Variants in ASB3 observed in about 807,000 individuals in gnomAD.
The protein encoded by ASB3 is ankyrin repeat and SOCS box protein 3.
Under a neutral mutation model 54.5 loss-of-function variants are expected in ASB3, and 41 were observed. That is an observed-to-expected ratio of 0.75 (90% CI 0.59 to 0.98). ASB3 has a LOEUF of 0.98. Ranked by LOEUF, ASB3 falls within the 50% of genes least tolerant of loss-of-function variation. The pLI is 0.00. For synonymous variants in ASB3, 266 were observed against 221.2 expected (o/e 1.20, Z -1.80); for missense variants, 733 against 620.0 (o/e 1.18, Z -1.94).
chr2:53,728,635 G>C, intron 5 of ASB3, 77 bp downstream of exon 5: 1 of 1,369,364 alleles, frequency 7.3e-7, no homozygotes, highest in South Asian at 2.4e-5. Flanking sequence ...TTATATTTGA[G>C]ACAAGAATTA....
chr2:53,741,743 A>C (rs1026169398), intron 3 of ASB3, among the ~76,000 whole-genome samples: 1 of 152,212 alleles, frequency 6.6e-6, no homozygotes, highest in East Asian at 1.9e-4. Flanking sequence ...ATTGTAGCAC[A>C]ATATAGGCAT....
intron 1 of ASB3, chr2:53,767,666 T>C: frequency 3.5e-6 from 2 of 576,368 alleles, no homozygotes; most frequent in East Asian, 3.0e-5. Flanking sequence ...ACACCGAAGG[T>C]CAATGCCTCT....
intron 3 of ASB3, among the ~76,000 whole-genome samples, chr2:53,731,950 G>T (rs890475082): frequency 1.5e-4 from 22 of 151,616 alleles, no homozygotes; most frequent in African/African-American, 4.1e-4. Context: ...ATCACACTTG[G>T]CCCCCACAAC....
In ASB3 at chr2:53,714,577, A is replaced by C; in HGVS notation, c.787T>G (p.Leu263Val). ...TTAGTAAGTGGTATTAACAAGTCCAAGATTCTATAAATACACAAATTCAGG... is the reference window on the plus strand; with the variant it reads ...TTAGTAAGTGGTATTAACAAGTCCACGATTCTATAAATACACAAATTCAGG... ...AAAQMGHTKILDLLIPLTNRA... is the reference protein window; with the variant it reads ...AAAQMGHTKIVDLLIPLTNRA... The change falls in exon 7 of 10, where the codon TTG becomes GTG. Residue 263 changes from leucine to valine, a missense_variant. Leu to Val is a conservative substitution (Grantham distance 32). Transcript: ENST00000263634. The C allele has an allele frequency of 3.1e-6, 5 of 1,613,742 alleles. No individual in the cohort carries two copies. Among genetic ancestry groups the C allele is most frequent in the Non-Finnish European group, 4.2e-6 (5 of 1,179,872 alleles).
intron 1 of ASB3, among the ~76,000 whole-genome samples, chr2:53,785,900 A>C (rs1244561403): frequency 2.6e-5 from 4 of 152,236 alleles, no homozygotes; most frequent in Non-Finnish European, 4.4e-5. Context: ...CATTAATAAG[A>C]AGTGCTGAAT....
At chr2:53,735,020 A>G (rs1671541928) in intron 3 of ASB3, among the ~76,000 whole-genome samples, 1 of 150,882 alleles carries the variant, frequency 6.6e-6, no homozygotes. Flanking sequence ...CCCAGGTTGA[A>G]GCGAATCTCC....
rs1442486309 is a variant in ASB3, at chr2:53,728,803, G to A, written c.513C>T (p.Asn171=). ...TTCCAAAGTCATCCTGGCATTCCTT[G>A]TTTGCTCCTTTTCTAAGAAGCAATT... The part of the protein sequence containing the change: ...IIKLLLRKGA[N]KECQDDFGIT... Residue 171 remains asparagine, a synonymous_variant, in exon 5 of 10, where the codon AAC becomes AAT. Coordinates refer to ENST00000263634, the MANE Select transcript of ASB3 (RefSeq NM_016115.5). The A allele has an allele frequency of 6.2e-6, 10 of 1,611,896 alleles. No homozygotes were observed. The highest frequency in any genetic ancestry group is 8.5e-6 in the Non-Finnish European group (10 of 1,178,852).
At chr2:53,728,924 T>C in intron 4 of ASB3, 77 bp from the exon 5 acceptor site, 3 of 1,454,182 alleles carry the variant, frequency 2.1e-6, no homozygotes, top group South Asian at 1.5e-5. Context: ...CTGTGTTTTT[T>C]TTTTCTTTTT....
At chr2:53,761,801 A>T (rs1673163658) in intron 2 of ASB3, among the ~76,000 whole-genome samples, 1 of 152,210 alleles carries the variant, frequency 6.6e-6, no homozygotes, top group Non-Finnish European at 1.5e-5. Context: ...CTTATCAAAC[A>T]GTAATTGCAC....
chr2:53,718,667 T>C (rs935825687), intron 5 of ASB3, among the ~76,000 whole-genome samples: 1 of 151,730 alleles, frequency 6.6e-6, no homozygotes, highest in African/African-American at 2.4e-5. Flanking sequence ...CACATATCAA[T>C]ATTAACCTTG....
chr2:53,758,039 G>A (rs1339368727), intron 2 of ASB3, among the ~76,000 whole-genome samples: 1 of 152,190 alleles, frequency 6.6e-6, no homozygotes, highest in Admixed American at 6.5e-5. Flanking sequence ...GAGGGAGAGA[G>A]AGAAAAAGAG....
chr2:53,705,304 C>A (rs1572875628), intron 7 of ASB3, among the ~76,000 whole-genome samples: 1 of 152,128 alleles, frequency 6.6e-6, no homozygotes, highest in African/African-American at 2.4e-5. Flanking sequence ...CGCTCATATG[C>A]CCTTTCGATA....
At chr2:53,757,884 C>T (rs1434527888) in intron 2 of ASB3, among the ~76,000 whole-genome samples, 1 of 152,176 alleles carries the variant, frequency 6.6e-6, no homozygotes, top group Non-Finnish European at 1.5e-5. Flanking sequence ...ATACAATCTC[C>T]AAGCCTTGGC....
intron 1 of ASB3, among the ~76,000 whole-genome samples, chr2:53,778,870 CA>C (rs1382536491): frequency 6.6e-6 from 1 of 152,194 alleles, no homozygotes; most frequent in Non-Finnish European, 1.5e-5. Context: ...ATCTCTTCAA[CA>C]TACTGATTTC....
At chr2:53,724,452 A>G (rs1670880798) in intron 5 of ASB3, among the ~76,000 whole-genome samples, 1 of 152,132 alleles carries the variant, frequency 6.6e-6, no homozygotes, top group Admixed American at 6.5e-5. Flanking sequence ...ACAAAAAATT[A>G]GCCAGGCATG....
At chr2:53,701,852 C>A (rs139320247) in intron 7 of ASB3, among the ~76,000 whole-genome samples, 32 of 152,224 alleles carry the variant, frequency 2.1e-4, no homozygotes, top group African/African-American at 6.5e-4. Context: ...AACACAAGAA[C>A]AATGGTATAT....
chr2:53,715,482 A>T (rs1436294745), intron 6 of ASB3, among the ~76,000 whole-genome samples: 2 of 152,170 alleles, frequency 1.3e-5, no homozygotes, highest in Non-Finnish European at 2.9e-5. Context: ...CTATAAAGAA[A>T]ATCATCAGTG....
At chr2:53,699,894 G>A (rs879560313) in intron 8 of ASB3, among the ~76,000 whole-genome samples, 22 of 152,164 alleles carry the variant, frequency 1.4e-4, no homozygotes, top group Non-Finnish European at 1.6e-4. Flanking sequence ...GATGCTGTAC[G>A]GCAGGACTAT....
At chr2:53,737,125 A>G (rs916161907) in intron 3 of ASB3, among the ~76,000 whole-genome samples, 5 of 152,234 alleles carry the variant, frequency 3.3e-5, no homozygotes, top group African/African-American at 7.2e-5. Context: ...CAAAACAATC[A>G]TAAGAGTGGA....
Sources: allele counts gnomAD v4.1 joint callset (sites outside exome capture counted in the v4.1 genomes callset), GRCh38; gene constraint gnomAD v4.1.1; transcripts MANE v1.5; gene names NCBI Gene and HGNC (gene_info 2026-07-23, HGNC 2026-07-21).